NAGLU: variants seen among roughly 807,000 people sequenced by gnomAD.
NAGLU encodes the protein alpha-N-acetylglucosaminidase.
In NAGLU, 34 loss-of-function variants were observed where a neutral mutation model predicts 43.4. The ratio of observed to expected loss-of-function variants is 0.78; its 90% confidence interval spans 0.60 to 1.04. NAGLU has a LOEUF of 1.04. Among genes scored for constraint, NAGLU ranks in the 50% least tolerant of loss-of-function variants. The probability of loss-of-function intolerance (pLI) is 0.00; values close to 1 mark genes in which losing one functional copy is unlikely to be tolerated. For synonymous variants in NAGLU, 425 were observed against 437.6 expected (o/e 0.97, Z 0.36); for missense variants, 910 against 993.7 (o/e 0.92, Z 1.13).
At chr17:42,538,866 A>G in intron 4 of NAGLU, 111 bp downstream of exon 4, 2 of 1,298,290 alleles carry the variant, frequency 1.5e-6, no homozygotes, top group South Asian at 2.5e-5. Context: ...TCACGCCTGT[A>G]ATCCCAGCAC....
chr17:42,540,823 ATAGCCTG>A, intron 4 of NAGLU, 120 bp from the exon 5 acceptor site: 1 of 1,351,728 alleles, frequency 7.4e-7, no homozygotes, highest in Non-Finnish European at 1.1e-6. Context: ...GGCAGAGAGC[ATAGCCTG>A]TACAAAGCCA....
Position 42,537,425 on chromosome 17 carries a change from G to A in NAGLU, c.411G>A (p.Thr137=), listed in dbSNP as rs1464521532. 4 of 1,614,094 alleles carry A rather than the reference G, an allele frequency of 2.5e-6. No homozygotes were observed. The highest frequency in any genetic ancestry group is 2.2e-5 in the East Asian group (1 of 44,896). ...NRYRYYQNVC[T]QSYSFVWWDW... Reference sequence around the variant, plus strand: ...ACCGCTATTACCAGAATGTGTGCACGCAAAGCTACTCTTTCGTGTGGTGGG... The same window carrying A: ...ACCGCTATTACCAGAATGTGTGCACACAAAGCTACTCTTTCGTGTGGTGGG... Residue 137 remains threonine, a synonymous_variant, in exon 2 of 6, where the codon ACG becomes ACA. Coordinates refer to ENST00000225927, the MANE Select transcript of NAGLU (RefSeq NM_000263.4).
rs1244655820 is a variant in NAGLU, at chr17:42,543,603, C to T, written c.1597C>T (p.Arg533Ter). ...GATGAATACCAGCATCTGGTACAAC[C>T]GATCTGATGTGTTTGAGGCCTGGCG... ...LQMNTSIWYN[R>*]SDVFEAWRLL... Residue 533 changes from arginine to a stop codon, truncating the protein, a stop_gained, in exon 6 of 6, where the codon CGA (arginine) becomes TGA (stop). Transcript: ENST00000225927. LOFTEE classifies it low-confidence loss of function (END_TRUNC). The T allele has an allele frequency of 1.9e-6, 3 of 1,612,976 alleles. No individual in the cohort carries two copies. Among genetic ancestry groups the T allele is most frequent in the Admixed American group, 1.7e-5 (1 of 60,006 alleles).
Position 42,538,344 on chromosome 17 carries a change from C to T in NAGLU, c.537C>T (p.Tyr179=), listed in dbSNP as rs773878482. Reference sequence around the variant, plus strand: ...TGTGGGCCCTTCTTCCTCAGGTGTACCTGGCCTTGGGCCTGACCCAGGCAG... The same window carrying T: ...TGTGGGCCCTTCTTCCTCAGGTGTATCTGGCCTTGGGCCTGACCCAGGCAG... ...SGQEAIWQRV[Y]LALGLTQAEI... is the part of the protein sequence containing the mutation. The change falls in exon 3 of 6, where the codon TAC becomes TAT. Residue 179 remains tyrosine (Y), a synonymous_variant. Transcript: ENST00000225927. 1.2e-6 allele frequency: 2 copies of T among 1,614,274 alleles called. No individual in the cohort carries two copies. The highest frequency in any genetic ancestry group is 2.2e-5 in the South Asian group (2 of 91,090).
chr17:42,543,167 C>G lies in NAGLU; in HGVS notation c.1161C>G (p.Ser387Arg), dbSNP rs1405249872. ...TGGTTCTGGACCTGTTTGCTGAGAGCCAGCCTGTGTATACCCGCACTGCCT... is the reference window on the plus strand; with the variant it reads ...TGGTTCTGGACCTGTTTGCTGAGAGGCAGCCTGTGTATACCCGCACTGCCT... ...RLLVLDLFAE[S>R]QPVYTRTASF... Residue 387 changes from serine (S) to arginine (R), a missense_variant, in exon 6 of 6, where the codon AGC becomes AGG. Ser to Arg is a moderately radical substitution (Grantham distance 110). Transcript: ENST00000225927. The G allele has an allele frequency of 6.2e-7, 1 of 1,614,148 alleles. No homozygotes were observed. The highest frequency in any genetic ancestry group is 1.3e-5 in the African/African-American group (1 of 75,074).
rs763854864 is a variant in NAGLU at position 42,543,809 on chromosome 17, G to A, written c.1803G>A (p.Glu601=). 1.2e-6 allele frequency: 2 copies of A among 1,605,962 alleles called. No individual in the cohort carries two copies. The highest frequency in any genetic ancestry group is 4.5e-5 in the East Asian group (2 of 44,576). ...GGGCTGGAGGCGTCCTGGCCTATGAGCTGCTGCCGGCACTGGACGAGGTGC... is the reference window on the plus strand; with the variant it reads ...GGGCTGGAGGCGTCCTGGCCTATGAACTGCTGCCGGCACTGGACGAGGTGC... The part of the protein sequence containing the change: ...LLRAGGVLAY[E]LLPALDEVLA... The change falls in exon 6 of 6, where the codon GAG becomes GAA. Residue 601 remains glutamate (E), a synonymous_variant. Coordinates refer to ENST00000225927, the MANE Select transcript of NAGLU (RefSeq NM_000263.4).
intron 2 of NAGLU, among the ~76,000 whole-genome samples, chr17:42,537,925 C>T (rs2092911466): frequency 6.6e-6 from 1 of 152,064 alleles, no homozygotes; most frequent in African/African-American, 2.4e-5. Flanking sequence ...CCCCATCTCC[C>T]CTATGCAGCC....
intron 5 of NAGLU, 145 bp downstream of exon 5, chr17:42,541,351 A>C: frequency 8.0e-7 from 1 of 1,256,722 alleles, no homozygotes; most frequent in Non-Finnish European, 1.1e-6. Context: ...ACGTGTACAC[A>C]TGCGTTGTCT....
rs192701729 is a variant in NAGLU at position 42,541,894 on chromosome 17, G to A, written c.1021+688G>A. ...TCTCAGGCCCTACCCAAGACCTGAA[G>A]GAGAAGCTACATTTTTTTTTTTTTT... On this transcript the variant is annotated intron_variant, in intron 5 of 5. Coordinates refer to ENST00000225927, the MANE Select transcript of NAGLU (RefSeq NM_000263.4). Among the ~76,000 whole-genome samples, 578 of 151,972 alleles carry A rather than the reference G, an allele frequency of 3.8e-3. 5 individuals carry two copies. The highest frequency in any genetic ancestry group is 5.0e-3 in the South Asian group (24 of 4,820).
Position 42,543,111 on chromosome 17 carries a change from G to T in NAGLU, c.1105G>T (p.Val369Leu), listed in dbSNP as rs777474441. 6.2e-7 allele frequency: 1 copy of T among 1,612,958 alleles called. No individual in the cohort carries two copies. The highest frequency in any genetic ancestry group is 1.3e-5 in the African/African-American group (1 of 74,962). ...QFWGPAQIRAVLGAVPRGRLL... is the reference protein window; with the variant it reads ...QFWGPAQIRALLGAVPRGRLL... ...CTGGGGGCCCGCCCAGATCAGGGCT[G>T]TGCTGGGAGCTGTGCCCCGTGGCCG... Residue 369 changes from valine (V) to leucine (L), a missense_variant, in exon 6 of 6, where the codon GTG becomes TTG. Physicochemically the swap from Val to Leu is conservative, Grantham distance 32 (BLOSUM62 1). Coordinates refer to ENST00000225927, the MANE Select transcript of NAGLU (RefSeq NM_000263.4).
rs1394085859 is a variant in NAGLU at position 42,537,229 on chromosome 17, C to T, written c.384-169C>T. The T allele has an allele frequency of 3.0e-6, 3 of 989,348 alleles. No homozygotes were observed. The Middle Eastern group carries it at 9.1e-4, about 299-fold the overall frequency. The allele number at this position is 989,348 out of a possible 1,614,324, so 61.3% of individuals were successfully genotyped here. A position where few individuals can be genotyped will look rare whatever the true frequency, so the allele number is the denominator to read the frequency against. ...TGCAGGGGACGAGTGCCTCAGAAGCCCAGCCCCGGTACCTGGTCTCAGCTC... is the reference window on the plus strand; with the variant it reads ...TGCAGGGGACGAGTGCCTCAGAAGCTCAGCCCCGGTACCTGGTCTCAGCTC... On this transcript the variant is annotated intron_variant, in intron 1 of 5. Transcript: ENST00000225927.
Position 42,536,451 on chromosome 17 carries a change from C to T in NAGLU, c.179C>T (p.Pro60Leu). 2 of 1,257,964 alleles carry T rather than the reference C, an allele frequency of 1.6e-6. No homozygotes were observed. Among genetic ancestry groups the T allele is most frequent in the African/African-American group, 1.6e-5 (1 of 63,710 alleles). 77.9% of individuals were successfully genotyped at this position (1,257,964 alleles called of 1,614,324 possible). Residue 60 changes from proline (P) to leucine (L), a missense_variant, in exon 1 of 6, where the codon CCG becomes CTG. Pro to Leu is a moderately conservative substitution (Grantham distance 98). Transcript: ENST00000225927. ...VSVERALAAK[P>L]GLDTYSLGGG... is the part of the protein sequence containing the mutation. ...GTGGAGCGCGCTCTGGCTGCCAAGC[C>T]GGGCTTGGACACCTACAGCCTGGGC...
intron 1 of NAGLU, chr17:42,537,072 C>G: frequency 2.2e-6 from 1 of 462,916 alleles, no homozygotes; most frequent in Non-Finnish European, 4.0e-6. Flanking sequence ...CTCCCCTGCC[C>G]ATCTGTTAGA....
chr17:42,543,629 G>A lies in NAGLU; in HGVS notation c.1623G>A (p.Arg541=), dbSNP rs146438251. The A allele has an allele frequency of 2.3e-4, 378 of 1,613,000 alleles. No homozygotes were observed. The highest frequency in any genetic ancestry group is 2.9e-4 in the Non-Finnish European group (340 of 1,180,042). ...YNRSDVFEAW[R]LLLTSAPSLA... is the part of the protein sequence containing the mutation. ...GATCTGATGTGTTTGAGGCCTGGCG[G>A]CTGCTGCTCACATCTGCTCCCTCCC... The change falls in exon 6 of 6, where the codon CGG becomes CGA. Residue 541 remains arginine, a synonymous_variant. Coordinates refer to ENST00000225927, the MANE Select transcript of NAGLU (RefSeq NM_000263.4).
In NAGLU at chr17:42,536,601, T is replaced by C; in HGVS notation, c.329T>C (p.Leu110Pro). 1 of 1,493,390 alleles carries C rather than the reference T, an allele frequency of 6.7e-7. No individual in the cohort carries two copies. The allele number at this position is 1,493,390 out of a possible 1,614,324, so 92.5% of individuals were successfully genotyped here. A position where few individuals can be genotyped will look rare whatever the true frequency, so the allele number is the denominator to read the frequency against. The change falls in exon 1 of 6, where the codon CTG becomes CCG. Residue 110 changes from leucine to proline, a missense_variant. Leu to Pro is a moderately conservative substitution (Grantham distance 98). Transcript: ENST00000225927. ...HVAWSGSQLR[L>P]PRPLPAVPGE... is the part of the protein sequence containing the mutation. The stretch of plus-strand genomic sequence containing the variant: ...GCCTGGTCCGGCTCTCAGCTGCGCC[T>C]GCCGCGGCCACTGCCAGCCGTGCCG...
At position 42,536,527 on chromosome 17, in the gene NAGLU, C is replaced by G; in HGVS notation, c.255C>G (p.Ala85=). ...VRVRGSTGVA[A]AAGLHRYLRD... The stretch of plus-strand genomic sequence containing the variant: ...TGCGCGGCTCCACGGGCGTGGCGGC[C>G]GCCGCGGGGCTGCACCGCTACCTGC... The change falls in exon 1 of 6, where the codon GCC becomes GCG. Residue 85 remains alanine (A), a synonymous_variant. Coordinates refer to ENST00000225927, the MANE Select transcript of NAGLU (RefSeq NM_000263.4). The G allele has an allele frequency of 7.6e-7, 1 of 1,312,284 alleles. No individual in the cohort carries two copies. The highest frequency in any genetic ancestry group is 9.7e-7 in the Non-Finnish European group (1 of 1,032,010). 81.3% of individuals were successfully genotyped at this position (1,312,284 alleles called of 1,614,324 possible). A position where few individuals can be genotyped will look rare whatever the true frequency, so the allele number is the denominator to read the frequency against.
In NAGLU at chr17:42,543,101, G is replaced by T. The variant is rs754764611; in HGVS notation, c.1095G>T (p.Gln365His). The T allele has an allele frequency of 1.2e-6, 2 of 1,612,574 alleles. No individual in the cohort carries two copies. The highest frequency in any genetic ancestry group is 1.7e-5 in the Admixed American group (1 of 60,034). ...AGCCGCAGTTCTGGGGGCCCGCCCA[G>T]ATCAGGGCTGTGCTGGGAGCTGTGC... Reference protein sequence around the residue: ...QHQPQFWGPAQIRAVLGAVPR... With the variant: ...QHQPQFWGPAHIRAVLGAVPR... Residue 365 changes from glutamine (Q) to histidine (H), a missense_variant, in exon 6 of 6, where the codon CAG becomes CAT. By Grantham distance (24) the Gln-to-His change is conservative (BLOSUM62 0). Transcript: ENST00000225927.
At chr17:42,540,109 G>A (rs2092917565) in intron 4 of NAGLU, among the ~76,000 whole-genome samples, 2 of 125,166 alleles carry the variant, frequency 1.6e-5, no homozygotes, top group Non-Finnish European at 3.2e-5. Context: ...GTGAGACTCC[G>A]TCTCAAAAAA....
At position 42,536,574 on chromosome 17, in the gene NAGLU, T is replaced by G. The variant is rs1206076730; in HGVS notation, c.302T>G (p.Val101Gly). The G allele has an allele frequency of 1.3e-6, 2 of 1,485,494 alleles. No homozygotes were observed. Among genetic ancestry groups the G allele is most frequent in the African/African-American group, 2.9e-5 (2 of 68,398 alleles). 92.0% of individuals were successfully genotyped at this position (1,485,494 alleles called of 1,614,324 possible). ...CTGCGCGACTTCTGTGGCTGCCACG[T>G]GGCCTGGTCCGGCTCTCAGCTGCGC... ...RYLRDFCGCH[V>G]AWSGSQLRLP... Residue 101 changes from valine to glycine, a missense_variant, in exon 1 of 6, where the codon GTG (valine) becomes GGG (glycine). By Grantham distance (109) the Val-to-Gly change is moderately radical. Coordinates refer to ENST00000225927, the MANE Select transcript of NAGLU (RefSeq NM_000263.4).
Sources: allele counts gnomAD v4.1 joint callset (sites outside exome capture counted in the v4.1 genomes callset), GRCh38; gene constraint gnomAD v4.1.1; transcripts MANE v1.5; gene names NCBI Gene and HGNC (gene_info 2026-07-23, HGNC 2026-07-21).